SNX10: variants seen among roughly 807,000 people sequenced by gnomAD.
SNX10 encodes sorting nexin-10.
In SNX10, 25 loss-of-function variants were observed where a neutral mutation model predicts 28.5. The ratio of observed to expected loss-of-function variants is 0.88; its 90% CI spans 0.64 to 1.22. The LOEUF (loss-of-function observed/expected upper bound fraction) is 1.22, where lower values mean the gene tolerates loss of function less well. Among genes scored for constraint, SNX10 ranks in the 50% most tolerant of loss-of-function variants. The pLI, the probability that SNX10 is intolerant of heterozygous loss-of-function variation, is 0.00. For synonymous variants in SNX10, 62 were observed against 81.4 expected (o/e 0.76, Z 1.28); for missense variants, 223 against 242.6 (o/e 0.92, Z 0.54).
chr7:26,335,339 A>G (rs1465618633), intron 1 of SNX10, among the ~76,000 whole-genome samples: 2 of 152,022 alleles, frequency 1.3e-5, no homozygotes, highest in South Asian at 2.1e-4. Flanking sequence ...CTCTTTCATC[A>G]CTTTCCAGCC....
intron 1 of SNX10, among the ~76,000 whole-genome samples, chr7:26,330,636 C>T (rs994141393): frequency 3.3e-5 from 5 of 152,002 alleles, no homozygotes; most frequent in African/African-American, 1.2e-4. Flanking sequence ...TGAGAGAACC[C>T]CAGAGGATGG....
At chr7:26,352,455 A>G (rs1038116894) in intron 2 of SNX10, among the ~76,000 whole-genome samples, 2 of 152,198 alleles carry the variant, frequency 1.3e-5, no homozygotes, top group African/African-American at 4.8e-5. Context: ...TACGCAAGGT[A>G]GAGATGATAA....
intron 1 of SNX10, among the ~76,000 whole-genome samples, chr7:26,315,427 G>A (rs1787040318): frequency 2.0e-5 from 3 of 152,174 alleles, no homozygotes; most frequent in Non-Finnish European, 4.4e-5. Context: ...CCAGCACTTT[G>A]GAAGGCTGAG....
chr7:26,330,440 G>T (rs1375060218), intron 1 of SNX10, among the ~76,000 whole-genome samples: 1 of 152,102 alleles, frequency 6.6e-6, no homozygotes, highest in East Asian at 1.9e-4. Context: ...GGATTGAGCA[G>T]CCGGTACTTG....
At chr7:26,340,616 C>T (rs73068436) in intron 1 of SNX10, among the ~76,000 whole-genome samples, 11,549 of 152,246 alleles carry the variant, frequency 0.076, 526 homozygotes, top group Admixed American at 0.11. Context: ...AAGAGATACA[C>T]GAGTCTCTCA....
chr7:26,372,701 T>A lies in SNX10; in HGVS notation c.*129T>A, dbSNP rs1020433818. The stretch of plus-strand genomic sequence containing the variant: ...TGTTAGGTATTTAAATTCTTAAAGA[T>A]GTTGGGTTGTTTATTAGTGGTATTT... On this transcript the variant is annotated 3_prime_UTR_variant, in exon 7 of 7. Transcript: ENST00000338523. 7 of 624,822 alleles carry A rather than the reference T, an allele frequency of 1.1e-5. No homozygotes were observed. The highest frequency in any genetic ancestry group is 3.7e-5 in the African/African-American group (2 of 54,320). 38.7% of individuals were successfully genotyped at this position (624,822 alleles called of 1,614,324 possible).
At chr7:26,299,285 T>C (rs1016257492) in intron 1 of SNX10, among the ~76,000 whole-genome samples, 1 of 152,050 alleles carries the variant, frequency 6.6e-6, no homozygotes. Flanking sequence ...AACTTCTGCC[T>C]CCCGGGTTCA....
intron 1 of SNX10, among the ~76,000 whole-genome samples, chr7:26,327,643 T>G (rs1787553476): frequency 1.3e-5 from 2 of 152,208 alleles, no homozygotes; most frequent in South Asian, 2.1e-4. Flanking sequence ...TAATTTTCTT[T>G]GTCTCTGCAC....
intron 5 of SNX10, 32 bp downstream of exon 5, chr7:26,365,177 AG>A (rs1347074228): frequency 7.7e-7 from 1 of 1,293,886 alleles, no homozygotes; most frequent in East Asian, 2.3e-5. Flanking sequence ...TGGCCAGACA[AG>A]GGGTGTGAGC....
rs1303214129 is a variant in SNX10, at chr7:26,372,799, G to C, written c.*227G>C. On this transcript the variant is annotated 3_prime_UTR_variant, in exon 7 of 7. Transcript: ENST00000338523. The stretch of plus-strand genomic sequence containing the variant: ...TGTGAATACAATACTATCCTTTACA[G>C]GCAGACATTATTGGTAAACAAGATC... 1 of 374,754 alleles carries C rather than the reference G, an allele frequency of 2.7e-6. No individual in the cohort carries two copies. Among genetic ancestry groups the C allele is most frequent in the Non-Finnish European group, 4.8e-6 (1 of 209,604 alleles). 23.2% of individuals were successfully genotyped at this position (374,754 alleles called of 1,614,324 possible). A position where few individuals can be genotyped will look rare whatever the true frequency, so the allele number is the denominator to read the frequency against.
chr7:26,330,412 A>T (rs1051346333), intron 1 of SNX10, among the ~76,000 whole-genome samples: 3 of 151,964 alleles, frequency 2.0e-5, no homozygotes, highest in African/African-American at 7.3e-5. Flanking sequence ...TGGTCCTGGG[A>T]TAGAGGGGAG....
At position 26,327,519 on chromosome 7, in the gene SNX10, C is replaced by T. The variant is rs555157005; in HGVS notation, c.-23-18901C>T. ...TTTAGCACTTGACAGCTGGTAGATG[C>T]TCAGCAAATGTTAGTTTCTTTGGTT... On this transcript the variant is annotated intron_variant, in intron 1 of 6. Coordinates refer to ENST00000338523, the MANE Select transcript of SNX10 (RefSeq NM_013322.3). Among the ~76,000 whole-genome samples, 5 of 152,270 alleles carry T rather than the reference C, an allele frequency of 3.3e-5. No homozygotes were observed. In the South Asian group the frequency reaches 6.2e-4, roughly 19 times the overall value.
chr7:26,348,634 G>A (rs1788481730), intron 2 of SNX10, among the ~76,000 whole-genome samples: 1 of 152,186 alleles, frequency 6.6e-6, no homozygotes, highest in African/African-American at 2.4e-5. Flanking sequence ...TAGCTGGAAT[G>A]ATCGCCTGGC....
chr7:26,312,644 C>T (rs1021765928), intron 1 of SNX10, among the ~76,000 whole-genome samples: 2 of 152,040 alleles, frequency 1.3e-5, no homozygotes, highest in Non-Finnish European at 1.5e-5. Context: ...ATTAGCCAGG[C>T]GTGTTGGCGC....
intron 1 of SNX10, among the ~76,000 whole-genome samples, chr7:26,313,663 C>T (rs1786940208): frequency 6.6e-6 from 1 of 152,010 alleles, no homozygotes; most frequent in Non-Finnish European, 1.5e-5. Flanking sequence ...AAAACCCCAC[C>T]CCCTGTTTGT....
chr7:26,313,809 T>C (rs752942259), intron 1 of SNX10, among the ~76,000 whole-genome samples: 6 of 152,144 alleles, frequency 3.9e-5, no homozygotes, highest in Non-Finnish European at 5.9e-5. Context: ...TTTTTCTTTT[T>C]CTTTTCTTTT....
At chr7:26,357,491 C>T (rs570332726) in intron 2 of SNX10, among the ~76,000 whole-genome samples, 4 of 152,140 alleles carry the variant, frequency 2.6e-5, no homozygotes, top group East Asian at 3.9e-4. Flanking sequence ...ATTGTGCTAG[C>T]TGAGGAGTTT....
At chr7:26,336,709 TAAC>T (rs1301909644) in intron 1 of SNX10, among the ~76,000 whole-genome samples, 1 of 152,054 alleles carries the variant, frequency 6.6e-6, no homozygotes, top group Admixed American at 6.5e-5. Flanking sequence ...TCTCAAAAAA[TAAC>T]AACAAAAAAT....
At chr7:26,330,484 C>T (rs925634784) in intron 1 of SNX10, among the ~76,000 whole-genome samples, 5 of 152,002 alleles carry the variant, frequency 3.3e-5, no homozygotes, top group Admixed American at 6.6e-5. Context: ...GTGGAGAAGC[C>T]GGGGTGCAGC....
Sources: allele counts gnomAD v4.1 joint callset (sites outside exome capture counted in the v4.1 genomes callset), GRCh38; gene constraint gnomAD v4.1.1; transcripts MANE v1.5; gene names NCBI Gene and HGNC (gene_info 2026-07-23, HGNC 2026-07-21).